Variants in GRHL1 observed in about 807,000 individuals in gnomAD.
GRHL1 encodes the protein grainyhead like transcription factor 1.
In GRHL1, 38 loss-of-function variants were observed where a neutral mutation model predicts 75.7. The observed-to-expected ratio is 0.50, with a 90% confidence interval of 0.39 to 0.66. The LOEUF (loss-of-function observed/expected upper bound fraction) is 0.66. GRHL1 is among the 30% of genes least tolerant of loss of function. The probability of loss-of-function intolerance (pLI) is 0.00; values close to 1 mark genes in which losing one functional copy is unlikely to be tolerated. For missense variants in GRHL1, 589 were observed against 767.5 expected, an observed-to-expected ratio of 0.77 and a Z score of 2.75; for synonymous variants, 266 against 279.4, an observed-to-expected ratio of 0.95 and a Z score of 0.48.
intron 2 of GRHL1, among the ~76,000 whole-genome samples, chr2:9,957,478 C>T (rs1332016597): frequency 6.6e-6 from 1 of 151,718 alleles, no homozygotes; most frequent in African/African-American, 2.4e-5. Flanking sequence ...GGCGCAGTCT[C>T]AACTTACTGC....
At chr2:9,983,394 T>C (rs1668280719) in intron 8 of GRHL1, among the ~76,000 whole-genome samples, 1 of 152,196 alleles carries the variant, frequency 6.6e-6, no homozygotes, top group Non-Finnish European at 1.5e-5. Flanking sequence ...AATTGATTTT[T>C]TAGAATAAGA....
intron 8 of GRHL1, among the ~76,000 whole-genome samples, chr2:9,974,622 C>G (rs1377050680): frequency 2.0e-5 from 3 of 152,186 alleles, no homozygotes; most frequent in East Asian, 3.8e-4. Flanking sequence ...CAAAACACTT[C>G]CTCAAAGTTT....
intron 8 of GRHL1, among the ~76,000 whole-genome samples, chr2:9,979,194 G>C (rs1466821762): frequency 8.1e-6 from 1 of 123,458 alleles, no homozygotes; most frequent in East Asian, 2.5e-4. Context: ...CTGTCATAAA[G>C]TTGCTTCATA....
intron 2 of GRHL1, among the ~76,000 whole-genome samples, 152 bp downstream of exon 2, chr2:9,955,253 C>T (rs1267267948): frequency 2.6e-5 from 4 of 152,144 alleles, no homozygotes; most frequent in Non-Finnish European, 5.9e-5. Flanking sequence ...TACTGTGATT[C>T]GAAGCTAAAA....
At chr2:9,998,631 C>CACAT (rs1669050567) in intron 14 of GRHL1, among the ~76,000 whole-genome samples, 1 of 35,824 alleles carries the variant, frequency 2.8e-5, no homozygotes, top group African/African-American at 1.9e-4. Context: ...TACACATATA[C>CACAT]ATATATATGT....
chr2:9,998,730 ACGTATATATG>A (rs1207342080), intron 14 of GRHL1, among the ~76,000 whole-genome samples: 13 of 49,864 alleles, frequency 2.6e-4, no homozygotes, highest in South Asian at 1.2e-3. Flanking sequence ...ACACATATAT[ACGTATATATG>A]TACACACATA....
Position 9,955,086 on chromosome 2 carries a change from C to G in GRHL1, c.192C>G (p.Leu64=). 1.2e-6 allele frequency: 2 copies of G among 1,612,130 alleles called. No homozygotes were observed. The highest frequency in any genetic ancestry group is 2.2e-5 in the South Asian group (2 of 90,888). The change falls in exon 2 of 16, where the codon CTC becomes CTG. Residue 64 remains leucine, a synonymous_variant. Coordinates refer to ENST00000324907, the MANE Select transcript of GRHL1 (RefSeq NM_198182.3). ...ACAGCGCCGCTGCGCTGGGCCTGCT[C>G]TATGACTACTACAAGGTGGGTTTGC... is the stretch of plus-strand genomic sequence containing the variant. The part of the protein sequence containing the change: ...DEDSAAALGL[L]YDYYKVPRER...
intron 9 of GRHL1, among the ~76,000 whole-genome samples, chr2:9,988,351 A>AT (rs1204429392): frequency 6.6e-6 from 1 of 152,230 alleles, no homozygotes; most frequent in Non-Finnish European, 1.5e-5. Context: ...CTTCCTTGTA[A>AT]TAATCCTCAT....
chr2:9,970,123 A>G lies in GRHL1; in HGVS notation c.1110+4742A>G, dbSNP rs997526877. 3.4e-4 allele frequency among the ~76,000 whole-genome samples: 52 copies of G among 152,184 alleles called. 1 individual carries two copies. The highest frequency in any genetic ancestry group is 2.3e-3 in the Admixed American group (35 of 15,282). On this transcript the variant is annotated intron_variant, in intron 8 of 15. Coordinates refer to ENST00000324907, the MANE Select transcript of GRHL1 (RefSeq NM_198182.3). ...CTCCCAAAGTGCTGGGATTACAGGC[A>G]TGAGCCACCGTGCCCAGCCAGTAAG... is the stretch of plus-strand genomic sequence containing the variant.
At chr2:9,991,640 T>A (rs1251532670) in intron 10 of GRHL1, among the ~76,000 whole-genome samples, 2 of 152,234 alleles carry the variant, frequency 1.3e-5, no homozygotes, top group East Asian at 3.8e-4. Context: ...AATTATTTAA[T>A]GAGGACAGCT....
intron 8 of GRHL1, among the ~76,000 whole-genome samples, chr2:9,978,429 C>T (rs549876150): frequency 6.6e-6 from 1 of 152,206 alleles, no homozygotes; most frequent in South Asian, 2.1e-4. Flanking sequence ...AATTCAGGGG[C>T]AGAGAAAATG....
rs775117895 is a variant in GRHL1, at chr2:9,986,104, AC to A, written c.1111-18del. On this transcript the variant is annotated intron_variant, in intron 8 of 15. Transcript: ENST00000324907. ...TGACTTGGTGCCTGTTGCTTATGGA[AC>A]CTTCTCTTCCCTTGGCAGGTTTTCA... 52 of 1,590,986 alleles carry A rather than the reference AC, an allele frequency of 3.3e-5. No individual in the cohort carries two copies. The highest frequency in any genetic ancestry group is 4.2e-5 in the Non-Finnish European group (49 of 1,169,076).
chr2:9,995,987 T>C lies in GRHL1; in HGVS notation c.1591+17T>C, dbSNP rs778584903. ...CAAAGAGAGGTGTGTTCGTTTCCAT[T>C]TCTTAGTGGGAGTTTTAAATCAGAA... On this transcript the variant is annotated intron_variant, in intron 13 of 15. Coordinates refer to ENST00000324907, the MANE Select transcript of GRHL1 (RefSeq NM_198182.3). 13 of 1,442,218 alleles carry C rather than the reference T, an allele frequency of 9.0e-6. No individual in the cohort carries two copies. The South Asian group carries it at 1.5e-4, about 16-fold the overall frequency. The allele number at this position is 1,442,218 out of a possible 1,614,324, so 89.3% of individuals were successfully genotyped here. A position where few individuals can be genotyped will look rare whatever the true frequency, so the allele number is the denominator to read the frequency against.
At chr2:9,966,058 G>A (rs1405780231) in intron 8 of GRHL1, 1 of 152,196 alleles carries the variant, frequency 6.6e-6, no homozygotes, top group Non-Finnish European at 1.5e-5. Context: ...TAGAGTTCCT[G>A]TATTTCTTTC....
intron 8 of GRHL1, among the ~76,000 whole-genome samples, chr2:9,976,613 A>C (rs1431742764): frequency 6.6e-6 from 1 of 152,176 alleles, no homozygotes; most frequent in Non-Finnish European, 1.5e-5. Context: ...CGTATCCTGC[A>C]TGCCACCAGA....
At chr2:9,982,219 T>A (rs77593637) in intron 8 of GRHL1, among the ~76,000 whole-genome samples, 4,061 of 152,342 alleles carry the variant, frequency 0.027, 174 homozygotes, top group African/African-American at 0.091. Context: ...TAAAAATATC[T>A]TAACTCTTTA....
rs772784730 is a variant in GRHL1, at chr2:9,954,901, T to A, written c.21-14T>A. 1.4e-5 allele frequency: 22 copies of A among 1,607,532 alleles called. No individual in the cohort carries two copies. Among genetic ancestry groups the A allele is most frequent in the East Asian group, 2.2e-5 (1 of 44,854 alleles). On this transcript the variant is annotated splice_polypyrimidine_tract_variant and intron_variant, in intron 1 of 15. Transcript: ENST00000324907. ...AAAGTGTGTGTTTTTGTTTTTTTTTTAATTTCTCTGAAGCAAACGGCCAGT... is the reference window on the plus strand; with the variant it reads ...AAAGTGTGTGTTTTTGTTTTTTTTTAAATTTCTCTGAAGCAAACGGCCAGT...
Position 9,968,390 on chromosome 2 carries a change from T to C in GRHL1, c.1110+3009T>C, listed in dbSNP as rs1667575445. Among the ~76,000 whole-genome samples, 1 of 152,246 alleles carries C rather than the reference T, an allele frequency of 6.6e-6. No individual in the cohort carries two copies. The highest frequency in any genetic ancestry group is 1.5e-5 in the Non-Finnish European group (1 of 68,032). Reference sequence around the variant, plus strand: ...CTCAGAAACAGGCCCTTAGTGGGATTTGTCTGCTGTGTAGACGTATTTCAT... The same window carrying C: ...CTCAGAAACAGGCCCTTAGTGGGATCTGTCTGCTGTGTAGACGTATTTCAT... On this transcript the variant is annotated intron_variant, in intron 8 of 15. Transcript: ENST00000324907. The surrounding 1 kb of genome is among the most constrained non-coding windows in gnomAD (Gnocchi z 4.7).
chr2:9,957,002 C>CTT (rs764835142), intron 2 of GRHL1, among the ~76,000 whole-genome samples: 3 of 113,844 alleles, frequency 2.6e-5, no homozygotes, highest in Admixed American at 8.8e-5. Flanking sequence ...TCTTCTTCTT[C>CTT]TTTTTTTTTT....
Sources: gnomAD v4.1 joint callset for allele counts (sites outside exome capture counted in the v4.1 genomes callset) on GRCh38, gnomAD v4.1.1 for gene constraint, Gnocchi (gnomAD v3.1) non-coding constraint, MANE v1.5 for transcripts, NCBI Gene and HGNC (gene_info 2026-07-23, HGNC 2026-07-21) for gene names.